The following TMEM164 variants were observed in gnomAD, a reference collection of about 807,000 sequenced individuals.
TMEM164 encodes transmembrane protein 164, also known as RP13-360B22.2.
In TMEM164, 4 loss-of-function variants were observed where a neutral mutation model predicts 18.8. The observed-to-expected ratio is 0.21, with a 90% CI of 0.10 to 0.49. TMEM164 has a LOEUF of 0.49. Among genes scored for constraint, TMEM164 ranks in the 20% least tolerant of loss-of-function variants. The pLI, the probability that TMEM164 is intolerant of heterozygous loss-of-function variation, is 0.98. For synonymous variants in TMEM164, 86 were observed against 101.7 expected (o/e 0.85, Z 0.93); for missense variants, 108 against 239.9 (o/e 0.45, Z 3.63).
At chrX:110,086,889 G>T (rs765238101) in intron 3 of TMEM164, among the ~76,000 whole-genome samples, 1 of 110,736 alleles carries the variant, frequency 9.0e-6, no homozygotes, top group South Asian at 3.8e-4. Flanking sequence ...CCATAATGGG[G>T]ATGGTGAGAT....
intron 5 of TMEM164, among the ~76,000 whole-genome samples, chrX:110,159,236 G>A (rs889755816): frequency 3.6e-5 from 4 of 110,818 alleles, no homozygotes; most frequent in African/African-American, 9.9e-5. Context: ...TGAGAGTGCT[G>A]GTGTCAGAGT....
intron 4 of TMEM164, among the ~76,000 whole-genome samples, chrX:110,110,736 G>A (rs2066279783): frequency 8.9e-6 from 1 of 112,571 alleles, no homozygotes; most frequent in Admixed American, 9.4e-5. Flanking sequence ...AAGTCCCCAA[G>A]TGATGCCAAT....
At position 110,157,671 on chromosome X, in the gene TMEM164, G is replaced by A. The variant is rs530369263; in HGVS notation, c.586+12795G>A. Among the ~76,000 whole-genome samples the A allele has an allele frequency of 6.3e-5, 7 of 111,588 alleles. No individual in the cohort carries two copies. In the South Asian group the frequency reaches 2.6e-3, roughly 42 times the overall value. ...AAGAGAAATAAGTGCTGTGGGAAAT[G>A]GAAGAAGGAGATAAGCCTAGACTCT... On this transcript the variant is annotated intron_variant, in intron 5 of 6. Transcript: ENST00000372068.
intron 5 of TMEM164, among the ~76,000 whole-genome samples, chrX:110,161,635 A>G (rs1480063950): frequency 8.9e-6 from 1 of 112,160 alleles, no homozygotes; most frequent in Non-Finnish European, 1.9e-5. Flanking sequence ...CTTCCAGGAG[A>G]CACTGCTCCT....
At chrX:110,032,229 T>C (rs1174840275) in intron 2 of TMEM164, among the ~76,000 whole-genome samples, 1 of 112,157 alleles carries the variant, frequency 8.9e-6, no homozygotes, top group African/African-American at 3.2e-5. Context: ...GTTGGGGTGA[T>C]GGATGGACAA....
rs1602541151 is a variant in TMEM164, at chrX:110,055,516, G to A, written c.391-11831G>A. 6 of 141,559 alleles carry A rather than the reference G, an allele frequency of 4.2e-5. No homozygotes were observed. The South Asian group carries it at 1.0e-3, about 24-fold the overall frequency. The allele number at this position is 141,559 out of a possible 1,213,427, so 11.7% of individuals were successfully genotyped here. The stretch of plus-strand genomic sequence containing the variant: ...GGATTGTCCTCAGGGTAAGGGGGCT[G>A]AAGCAGTGAGCTGCTGCTGTGACCA... On this transcript the variant is annotated intron_variant, in intron 2 of 6. Transcript: ENST00000372068.
chrX:110,020,957 A>AC (rs1375416716), intron 2 of TMEM164, among the ~76,000 whole-genome samples: 1 of 89,160 alleles, frequency 1.1e-5, no homozygotes, highest in Non-Finnish European at 2.2e-5. Context: ...TATGAGAGAA[A>AC]CCCCTTTTTC....
intron 4 of TMEM164, among the ~76,000 whole-genome samples, chrX:110,139,380 G>T (rs2066736681): frequency 9.0e-6 from 1 of 111,116 alleles, no homozygotes; most frequent in African/African-American, 3.3e-5. Context: ...TCTTCTAATG[G>T]CTCTCCATGC....
At chrX:110,127,758 T>C (rs1305476824) in intron 4 of TMEM164, among the ~76,000 whole-genome samples, 1 of 111,832 alleles carries the variant, frequency 8.9e-6, no homozygotes, top group Non-Finnish European at 1.9e-5. Flanking sequence ...CCACCTTCTC[T>C]GATCAGGGGA....
intron 2 of TMEM164, among the ~76,000 whole-genome samples, chrX:110,046,655 G>T (rs1935327389): frequency 8.9e-6 from 1 of 112,684 alleles, no homozygotes; most frequent in Non-Finnish European, 1.9e-5. Flanking sequence ...CAAAATATGG[G>T]ATCTTTTAAA....
intron 5 of TMEM164, among the ~76,000 whole-genome samples, chrX:110,151,610 CT>C (rs1177671156): frequency 9.0e-6 from 1 of 110,736 alleles, no homozygotes; most frequent in East Asian, 2.8e-4. Context: ...GCGAAACCCC[CT>C]CTCTACTAAA....
chrX:110,131,613 G>A (rs1465428085), intron 4 of TMEM164, among the ~76,000 whole-genome samples: 2 of 110,722 alleles, frequency 1.8e-5, no homozygotes, highest in African/African-American at 6.7e-5. Context: ...CAGTCTGCAG[G>A]CACAGTTTGG....
At chrX:110,010,273 C>G (rs1932938635) in intron 2 of TMEM164, among the ~76,000 whole-genome samples, 1 of 112,441 alleles carries the variant, frequency 8.9e-6, no homozygotes, top group Non-Finnish European at 1.9e-5. Flanking sequence ...TCCTTTTTCT[C>G]CCCTCTTCTC....
chrX:110,043,593 A>C, intron 2 of TMEM164, among the ~76,000 whole-genome samples: 1 of 112,324 alleles, frequency 8.9e-6, no homozygotes, highest in Non-Finnish European at 1.9e-5. Context: ...TCCTGTTCAA[A>C]TTGGAATTGA....
At chrX:110,023,042 T>C (rs1171215849) in intron 2 of TMEM164, among the ~76,000 whole-genome samples, 2 of 112,082 alleles carry the variant, frequency 1.8e-5, no homozygotes, top group East Asian at 5.6e-4. Context: ...GAAGGACAGG[T>C]GAACCTAATG....
intron 4 of TMEM164, among the ~76,000 whole-genome samples, chrX:110,116,950 G>A (rs1221541781): frequency 9.2e-6 from 1 of 108,994 alleles, no homozygotes; most frequent in African/African-American, 3.4e-5. Context: ...GAACAAACTT[G>A]TGCAAGTTAC....
downstream of TMEM164, among the ~76,000 whole-genome samples, chrX:110,181,301 A>C (rs1004074940): frequency 1.8e-5 from 2 of 112,297 alleles, no homozygotes. Flanking sequence ...TTCAGCTTAA[A>C]AAAGAACATT....
At chrX:110,160,539 A>G (rs1037332208) in intron 5 of TMEM164, among the ~76,000 whole-genome samples, 1 of 111,695 alleles carries the variant, frequency 9.0e-6, no homozygotes, top group African/African-American at 3.3e-5. Context: ...TTTGGCTTTT[A>G]TTTTATGCAT....
intron 5 of TMEM164, among the ~76,000 whole-genome samples, chrX:110,161,961 TCAGATTC>T (rs748883968): frequency 6.8e-4 from 77 of 112,760 alleles, no homozygotes; most frequent in Middle Eastern, 4.6e-3. Flanking sequence ...ATAAAAATTC[TCAGATTC>T]CAGATTCCAG....
Sources: gnomAD v4.1 joint callset for allele counts (sites outside exome capture counted in the v4.1 genomes callset) on GRCh38, gnomAD v4.1.1 for gene constraint, MANE v1.5 for transcripts, NCBI Gene and HGNC (gene_info 2026-07-23, HGNC 2026-07-21) for gene names.